The following FHIT variants were observed in gnomAD, a reference collection of about 807,000 sequenced individuals.
The protein encoded by FHIT is fragile histidine triad diadenosine triphosphatase.
In FHIT, 19 loss-of-function variants were observed where a neutral mutation model predicts 17.9. The observed-to-expected ratio is 1.06, with a 90% CI of 0.74 to 1.56. The LOEUF (loss-of-function observed/expected upper bound fraction) is 1.56, where lower values mean the gene tolerates loss of function less well. Among genes scored for constraint, FHIT ranks in the 40% most tolerant of loss-of-function variants. FHIT has a pLI of 0.00. For missense variants in FHIT, 248 were observed against 189.2 expected, an observed-to-expected ratio of 1.31 and a Z score of -1.82; for synonymous variants, 81 against 69.7, an observed-to-expected ratio of 1.16 and a Z score of -0.81.
At chr3:60,582,486 G>C (rs1212982282) in intron 4 of FHIT, among the ~76,000 whole-genome samples, 1 of 152,020 alleles carries the variant, frequency 6.6e-6, no homozygotes. Flanking sequence ...TATTTCCACT[G>C]GAGGGCAGTC....
intron 5 of FHIT, among the ~76,000 whole-genome samples, chr3:60,099,573 T>A (rs1018866748): frequency 1.3e-5 from 2 of 152,132 alleles, no homozygotes; most frequent in African/African-American, 4.8e-5. Context: ...ATGTAACTGT[T>A]TCTCCCCAGA....
At chr3:60,083,018 T>G (rs1163158146) in intron 5 of FHIT, among the ~76,000 whole-genome samples, 1 of 152,198 alleles carries the variant, frequency 6.6e-6, no homozygotes, top group Admixed American at 6.5e-5. Flanking sequence ...TTTTGAAGAC[T>G]TTGTCATAAA....
chr3:60,055,461 T>C (rs926292861), intron 5 of FHIT, among the ~76,000 whole-genome samples: 5 of 151,918 alleles, frequency 3.3e-5, no homozygotes, highest in African/African-American at 1.2e-4. Context: ...TTTTTTTTTT[T>C]TTCCAATTCT....
chr3:60,948,020 A>G (rs1390648143), intron 3 of FHIT, among the ~76,000 whole-genome samples: 1 of 152,198 alleles, frequency 6.6e-6, no homozygotes, highest in African/African-American at 2.4e-5. Context: ...ATATATAATT[A>G]AGATAAAGCC....
At chr3:59,777,304 C>T (rs1702372890) in intron 8 of FHIT, among the ~76,000 whole-genome samples, 1 of 152,078 alleles carries the variant, frequency 6.6e-6, no homozygotes, top group African/African-American at 2.4e-5. Context: ...GAGTTCCAAC[C>T]ATGCGTGTTT....
intron 3 of FHIT, among the ~76,000 whole-genome samples, chr3:60,982,639 C>A (rs1710543939): frequency 6.6e-6 from 1 of 152,196 alleles, no homozygotes; most frequent in African/African-American, 2.4e-5. Flanking sequence ...TCAATGGGGA[C>A]TCTCCCTGTC....
intron 3 of FHIT, among the ~76,000 whole-genome samples, chr3:60,852,854 T>G (rs1703210806): frequency 6.6e-6 from 1 of 151,876 alleles, no homozygotes; most frequent in African/African-American, 2.4e-5. Context: ...ATCAAGATTT[T>G]TTCAAAAAAA....
chr3:60,970,859 C>T (rs925730305), intron 3 of FHIT, among the ~76,000 whole-genome samples: 13 of 151,990 alleles, frequency 8.6e-5, no homozygotes, highest in Admixed American at 7.9e-4. Flanking sequence ...TCTAATGAAA[C>T]GTTCATATTT....
At chr3:60,101,920 G>A (rs1046250832) in intron 5 of FHIT, among the ~76,000 whole-genome samples, 2 of 152,128 alleles carry the variant, frequency 1.3e-5, no homozygotes, top group Non-Finnish European at 1.5e-5. Context: ...GTTGCCTCTC[G>A]CTAGGATGTC....
At chr3:59,977,318 G>A (rs532277001) in intron 7 of FHIT, among the ~76,000 whole-genome samples, 2 of 152,216 alleles carry the variant, frequency 1.3e-5, no homozygotes, top group South Asian at 4.1e-4. Flanking sequence ...CTACTTGGAA[G>A]GCTCTCCTAG....
At chr3:59,792,569 T>C (rs1415660341) in intron 8 of FHIT, among the ~76,000 whole-genome samples, 1 of 152,146 alleles carries the variant, frequency 6.6e-6, no homozygotes, top group Non-Finnish European at 1.5e-5. Flanking sequence ...CCTAGTGTTT[T>C]CATGTGTAAA....
At chr3:61,005,503 T>C (rs1336316512) in intron 3 of FHIT, among the ~76,000 whole-genome samples, 1 of 152,082 alleles carries the variant, frequency 6.6e-6, no homozygotes, top group Non-Finnish European at 1.5e-5. Flanking sequence ...GTAATAGTGA[T>C]GATAAGAACC....
intron 4 of FHIT, among the ~76,000 whole-genome samples, chr3:60,541,375 C>T (rs976342858): frequency 5.3e-5 from 8 of 152,302 alleles, no homozygotes. Context: ...CTACAAACAG[C>T]ATTGATTCAA....
At chr3:60,332,950 T>C (rs1015104407) in intron 5 of FHIT, among the ~76,000 whole-genome samples, 2 of 152,196 alleles carry the variant, frequency 1.3e-5, no homozygotes, top group Non-Finnish European at 2.9e-5. Context: ...TTAAAAACTT[T>C]AGGAACAATT....
At chr3:60,722,637 A>C (rs541248504) in intron 4 of FHIT, among the ~76,000 whole-genome samples, 1 of 151,840 alleles carries the variant, frequency 6.6e-6, no homozygotes, top group Non-Finnish European at 1.5e-5. Flanking sequence ...TGACAACAAA[A>C]TGTCTTCAGA....
intron 4 of FHIT, among the ~76,000 whole-genome samples, chr3:60,681,457 G>T (rs111960087): frequency 1.4e-4 from 22 of 152,230 alleles, no homozygotes; most frequent in African/African-American, 5.3e-4. Flanking sequence ...AAGTGTTCAA[G>T]TGAAAGGAAG....
rs185278105 is a variant in FHIT at position 60,222,888 on chromosome 3, G to A, written c.104-208736C>T. 8.5e-5 allele frequency among the ~76,000 whole-genome samples: 13 copies of A among 152,198 alleles called. No individual in the cohort carries two copies. The East Asian group carries it at 1.9e-3, about 23-fold the overall frequency. Reference sequence around the variant, plus strand: ...TGCACTCCAGCCTGGGTGAAAGAGCGAGACTCCATCTCAAAAACAAAAAGT... The same window carrying A: ...TGCACTCCAGCCTGGGTGAAAGAGCAAGACTCCATCTCAAAAACAAAAAGT... On this transcript the variant is annotated intron_variant, in intron 5 of 9. Coordinates refer to ENST00000492590, the MANE Select transcript of FHIT (RefSeq NM_002012.4).
intron 5 of FHIT, among the ~76,000 whole-genome samples, chr3:60,512,794 G>C (rs1190046940): frequency 1.3e-5 from 2 of 152,084 alleles, no homozygotes; most frequent in Non-Finnish European, 2.9e-5. Context: ...CTGTTGCATG[G>C]GCCATATGGC....
intron 4 of FHIT, among the ~76,000 whole-genome samples, chr3:60,652,463 C>T (rs1051516538): frequency 5.3e-5 from 8 of 151,802 alleles, no homozygotes; most frequent in Non-Finnish European, 7.4e-5. Context: ...TAGGGCCAGG[C>T]GCGGTCACGC....
Sources: gnomAD v4.1 joint callset for allele counts (sites outside exome capture counted in the v4.1 genomes callset) on GRCh38, gnomAD v4.1.1 for gene constraint, MANE v1.5 for transcripts, NCBI Gene and HGNC (gene_info 2026-07-23, HGNC 2026-07-21) for gene names.